Variants in TCOF1 observed in about 807,000 individuals in gnomAD.
TCOF1 encodes the protein treacle protein.
TCOF1 carries 33 observed loss-of-function variants against 149.0 expected under a neutral mutation model. That is an observed-to-expected ratio of 0.22 (90% CI 0.17 to 0.30). The LOEUF (loss-of-function observed/expected upper bound fraction) is 0.30. Among genes scored for constraint, TCOF1 ranks in the 10% least tolerant of loss-of-function variants. TCOF1 has a pLI of 1.00. For synonymous variants in TCOF1, 789 were observed against 738.8 expected, an observed-to-expected ratio of 1.07 and a Z score of -1.10; for missense variants, 1,728 against 1,840.7, an observed-to-expected ratio of 0.94 and a Z score of 1.12.
Position 150,375,395 on chromosome 5 carries a change from G to C in TCOF1, c.1545G>C (p.Gly515=). The C allele has an allele frequency of 6.2e-7, 1 of 1,612,848 alleles. No homozygotes were observed. The highest frequency in any genetic ancestry group is 8.5e-7 in the Non-Finnish European group (1 of 1,179,822). The change falls in exon 11 of 27, where the codon GGG becomes GGC. Residue 515 remains glycine (G), a synonymous_variant. Coordinates refer to ENST00000643257, the MANE Select transcript of TCOF1 (RefSeq NM_001371623.1). ...QVKPASTMGM[G]PLGKGAGPVP... The stretch of plus-strand genomic sequence containing the variant: ...AACCTGCCTCTACCATGGGCATGGG[G>C]CCCTTGGGGAAAGGCGCCGGCCCAG...
At chr5:150,382,573 G>C (rs1765450052) in intron 17 of TCOF1, among the ~76,000 whole-genome samples, 1 of 152,178 alleles carries the variant, frequency 6.6e-6, no homozygotes, top group Non-Finnish European at 1.5e-5. Flanking sequence ...CCAGATCTCT[G>C]AGTCCTCCTC....
intron 11 of TCOF1, 21 bp downstream of exon 11, chr5:150,375,575 G>C (rs1554136648): frequency 4.3e-6 from 7 of 1,613,798 alleles, no homozygotes; most frequent in Non-Finnish European, 5.9e-6. Context: ...TTCCTGTAAG[G>C]CTCTTTCTTT....
intron 17 of TCOF1, among the ~76,000 whole-genome samples, chr5:150,387,283 C>T (rs959882829): frequency 2.0e-5 from 3 of 152,228 alleles, no homozygotes; most frequent in Non-Finnish European, 4.4e-5. Context: ...AAGTCTTAAT[C>T]TGTTGGTTCT....
intron 14 of TCOF1, among the ~76,000 whole-genome samples, chr5:150,376,856 C>T (rs1763920657): frequency 6.6e-6 from 1 of 152,240 alleles, no homozygotes; most frequent in South Asian, 2.1e-4. Flanking sequence ...CTGTGGTTTT[C>T]ACAAGCTCTG....
intron 17 of TCOF1, chr5:150,385,225 C>A: frequency 2.1e-6 from 1 of 477,950 alleles, no homozygotes; most frequent in Non-Finnish European, 2.7e-6. Flanking sequence ...GTAGGCCCTG[C>A]TCTCAAAGTT....
rs774562860 is a variant in TCOF1 at position 150,398,408 on chromosome 5, C to T, written c.4400C>T (p.Thr1467Ile). Residue 1467 changes from threonine (T) to isoleucine (I), a missense_variant, in exon 25 of 27, where the codon ACC becomes ATC. Around this residue, in one of 2 missense-constraint regions of TCOF1, gnomAD observed 1,696 missense variants for 1,765.4 expected, o/e 0.96. Coordinates refer to ENST00000643257, the MANE Select transcript of TCOF1 (RefSeq NM_001371623.1). ...EKKKKAKKAS[T>I]KDSESPSQKK... ...AAGAAGAAAGCAAAAAAGGCCTCAA[C>T]CAAAGATTCTGAGTCACCGTCCCAG... 6.2e-7 allele frequency: 1 copy of T among 1,614,124 alleles called. No individual in the cohort carries two copies. The highest frequency in any genetic ancestry group is 8.5e-7 in the Non-Finnish European group (1 of 1,180,028).
intron 4 of TCOF1, 29 bp downstream of exon 4, chr5:150,367,946 C>T (rs1761709596): frequency 1.2e-6 from 2 of 1,612,814 alleles, no homozygotes; most frequent in African/African-American, 1.3e-5. Flanking sequence ...CAAGCTATTG[C>T]CTATGGGATT....
intron 8 of TCOF1, 82 bp downstream of exon 8, chr5:150,374,468 C>T (rs1581105761): frequency 6.5e-7 from 1 of 1,548,588 alleles, no homozygotes. Context: ...CACTCTGGGC[C>T]AGAGCCCCGG....
At chr5:150,384,430 A>G (rs1581169294) in intron 17 of TCOF1, 1 of 985,462 alleles carries the variant, frequency 1.0e-6, no homozygotes, top group Non-Finnish European at 1.2e-6. Context: ...GTTTGAGCAC[A>G]GGCCATTCAC....
At chr5:150,372,320 C>A in intron 7 of TCOF1, 84 bp downstream of exon 7, 1 of 1,237,266 alleles carries the variant, frequency 8.1e-7, no homozygotes, top group African/African-American at 1.5e-5. Context: ...ACCTCTGCCA[C>A]TGGAGTTGGG....
At chr5:150,394,250 T>C (rs1767987446) in intron 23 of TCOF1, 1 of 152,882 alleles carries the variant, frequency 6.5e-6, no homozygotes, top group Non-Finnish European at 1.5e-5. Flanking sequence ...CCTCAGAGGA[T>C]AGCTTAGACA....
At chr5:150,366,992 G>A (rs1761497854) in intron 3 of TCOF1, among the ~76,000 whole-genome samples, 1 of 151,804 alleles carries the variant, frequency 6.6e-6, no homozygotes, top group African/African-American at 2.4e-5. Flanking sequence ...TGAGATTTAA[G>A]GAGACAATAC....
At chr5:150,393,583 AG>A (rs1767857598) in intron 23 of TCOF1, 31 bp downstream of exon 23, 1 of 1,613,842 alleles carries the variant, frequency 6.2e-7, no homozygotes, top group South Asian at 1.1e-5. Context: ...GGGACATAGC[AG>A]GACACAGAGG....
intron 17 of TCOF1, among the ~76,000 whole-genome samples, chr5:150,387,420 G>T (rs1766506721): frequency 6.6e-6 from 1 of 152,204 alleles, no homozygotes; most frequent in South Asian, 2.1e-4. Flanking sequence ...TGGGGTTGGG[G>T]CAACTAGACT....
At position 150,374,695 on chromosome 5, in the gene TCOF1, C is replaced by G. The variant is rs762624486; in HGVS notation, c.1162C>G (p.Pro388Ala). 3 of 1,613,512 alleles carry G rather than the reference C, an allele frequency of 1.9e-6. No individual in the cohort carries two copies. Among genetic ancestry groups the G allele is most frequent in the Admixed American group, 3.3e-5 (2 of 59,942 alleles). The change falls in exon 9 of 27, where the codon CCA (proline) becomes GCA (alanine). Residue 388 changes from proline (P) to alanine (A), a missense_variant. This residue lies in a region of TCOF1 where 1,696 missense variants were observed against 1,765.4 expected (regional missense o/e 0.96). Transcript: ENST00000643257. ...GGAGTCCCCCAGGAAAGGAGCTGCC[C>G]CAGCGCCCCCTGGGAAGACAGGGCC... Reference protein sequence around the residue: ...AKESPRKGAAPAPPGKTGPAV... With the variant: ...AKESPRKGAAAAPPGKTGPAV...
intron 17 of TCOF1, chr5:150,384,870 G>T: frequency 1.0e-6 from 1 of 985,396 alleles, no homozygotes; most frequent in South Asian, 4.7e-5. Flanking sequence ...ACAAGTTTCA[G>T]TCTGATTTTA....
rs779690199 is a variant in TCOF1, at chr5:150,389,999, G to A, written c.3159G>A (p.Lys1053=). Residue 1053 remains lysine (K), a synonymous_variant, in exon 19 of 27, where the codon AAG becomes AAA. Coordinates refer to ENST00000643257, the MANE Select transcript of TCOF1 (RefSeq NM_001371623.1). ...SKESSRISDG[K]KQEGPATQVS... The stretch of plus-strand genomic sequence containing the variant: ...AGTCCAGTCGGATATCAGATGGCAA[G>A]AAACAGGAGGGACCAGCCACTCAGG... The A allele has an allele frequency of 1.2e-6, 2 of 1,612,074 alleles. No homozygotes were observed. The highest frequency in any genetic ancestry group is 4.5e-5 in the East Asian group (2 of 44,720).
intron 17 of TCOF1, chr5:150,383,055 C>T (rs1412091572): frequency 6.5e-7 from 1 of 1,533,324 alleles, no homozygotes; most frequent in Non-Finnish European, 8.7e-7. Context: ...AGGTCTTGTC[C>T]CCTCAGAAGG....
chr5:150,397,616 C>T (rs891288615), intron 24 of TCOF1, among the ~76,000 whole-genome samples: 4 of 152,148 alleles, frequency 2.6e-5, no homozygotes, highest in African/African-American at 9.7e-5. Flanking sequence ...GCAGCACTCT[C>T]GAGCATCGCC....
Sources: gnomAD v4.1 joint callset for allele counts (sites outside exome capture counted in the v4.1 genomes callset) on GRCh38, gnomAD v4.1.1 for gene constraint, gnomAD v4.1.1 regional missense constraint, MANE v1.5 for transcripts, NCBI Gene and HGNC (gene_info 2026-07-23, HGNC 2026-07-21) for gene names.